TMEM201: variants seen among roughly 807,000 people sequenced by gnomAD.
The protein encoded by TMEM201 is transmembrane protein 201, also known as RP13-15M17.2.
Under a neutral mutation model 63.4 loss-of-function variants are expected in TMEM201, and 26 were observed. That is an observed-to-expected ratio of 0.41 (90% CI 0.30 to 0.57). The LOEUF is 0.57. Ranked by LOEUF, TMEM201 falls within the 20% of genes least tolerant of loss-of-function variation. The probability of loss-of-function intolerance (pLI) is 0.29; values close to 1 mark genes in which losing one functional copy is unlikely to be tolerated. For missense variants in TMEM201, 794 were observed against 917.7 expected, an observed-to-expected ratio of 0.87 and a Z score of 1.74; for synonymous variants, 417 against 421.6, an observed-to-expected ratio of 0.99 and a Z score of 0.14.
chr1:9,613,264 A>G lies in TMEM201; in HGVS notation c.*181A>G. Reference sequence around the variant, plus strand: ...CCTCACCTAACGGACTGCAGGGCTGAGCATGTGTCTGAGGTCACACTCTCT... The same window carrying G: ...CCTCACCTAACGGACTGCAGGGCTGGGCATGTGTCTGAGGTCACACTCTCT... On this transcript the variant is annotated 3_prime_UTR_variant, in exon 11 of 11. Coordinates refer to ENST00000340381, the MANE Select transcript of TMEM201 (RefSeq NM_001130924.3). 1 of 612,310 alleles carries G rather than the reference A, an allele frequency of 1.6e-6. No homozygotes were observed. The highest frequency in any genetic ancestry group is 2.9e-6 in the Non-Finnish European group (1 of 345,292). 37.9% of individuals were successfully genotyped at this position (612,310 alleles called of 1,614,324 possible).
At position 9,611,320 on chromosome 1, in the gene TMEM201, C is replaced by G. The variant is rs986700943; in HGVS notation, c.1766-433C>G. On this transcript the variant is annotated intron_variant, in intron 9 of 10. Transcript: ENST00000340381. ...TCAAGAGATTGTCCTGCTTCAGCCT[C>G]CCGAGTAGCTGGGACTACAGGTGCG... Among the ~76,000 whole-genome samples, 4 of 152,010 alleles carry G rather than the reference C, an allele frequency of 2.6e-5. No homozygotes were observed. In the South Asian group the frequency reaches 8.3e-4, roughly 32 times the overall value.
In TMEM201 at chr1:9,607,897, C is replaced by T. The variant is rs1298457446; in HGVS notation, c.1393+108C>T. 2 of 1,069,016 alleles carry T rather than the reference C, an allele frequency of 1.9e-6. No homozygotes were observed. Among genetic ancestry groups the T allele is most frequent in the Non-Finnish European group, 2.7e-6 (2 of 750,880 alleles). 66.2% of individuals were successfully genotyped at this position (1,069,016 alleles called of 1,614,324 possible). On this transcript the variant is annotated intron_variant, in intron 7 of 10. Transcript: ENST00000340381. This position sits in a 1 kb window ranked among gnomAD's most constrained non-coding sequence, Gnocchi z 5.4. The stretch of plus-strand genomic sequence containing the variant: ...GGGCCGGGAGTGGTTAGTGTTCCTG[C>T]TGCAGAGACAGGCAGCACAGAGCTT...
intron 5 of TMEM201, among the ~76,000 whole-genome samples, chr1:9,601,763 GC>G (rs1216496618): frequency 6.6e-6 from 1 of 152,122 alleles, no homozygotes; most frequent in Non-Finnish European, 1.5e-5. Context: ...TCACGTGGGG[GC>G]CTCTGGGGTT....
At chr1:9,602,861 G>A in intron 6 of TMEM201, 1 of 985,804 alleles carries the variant, frequency 1.0e-6, no homozygotes, top group African/African-American at 1.7e-5. Context: ...CCCTGCAGGA[G>A]GTGGTGGAGC....
intron 1 of TMEM201, among the ~76,000 whole-genome samples, chr1:9,590,781 C>G (rs1643906802): frequency 6.6e-6 from 1 of 152,186 alleles, no homozygotes; most frequent in African/African-American, 2.4e-5. Context: ...TGGGTTTCAC[C>G]TGGAGGTCAT....
At position 9,599,053 on chromosome 1, in the gene TMEM201, G is replaced by A. The variant is rs11810205; in HGVS notation, c.606+428G>A. On this transcript the variant is annotated intron_variant, in intron 4 of 10. Transcript: ENST00000340381. ...CCTCCCAGGTTCAAGCGATTCTCCC[G>A]TCTCAGCCTCCCGAGTAGCTGGGAT... Among the ~76,000 whole-genome samples, 1,213 of 148,180 alleles carry A rather than the reference G, an allele frequency of 8.2e-3. 23 individuals carry two copies. Among genetic ancestry groups the A allele is most frequent in the African/African-American group, 0.028 (1,136 of 39,960 alleles).
In TMEM201 at chr1:9,604,651, C is replaced by A; in HGVS notation, c.1160+2379C>A. 1.0e-6 allele frequency: 1 copy of A among 985,684 alleles called. No individual in the cohort carries two copies. The highest frequency in any genetic ancestry group is 1.2e-6 in the Non-Finnish European group (1 of 829,938). The allele number at this position is 985,684 out of a possible 1,614,324, so 61.1% of individuals were successfully genotyped here. A position where few individuals can be genotyped will look rare whatever the true frequency, so the allele number is the denominator to read the frequency against. On this transcript the variant is annotated intron_variant, in intron 6 of 10. Coordinates refer to ENST00000340381, the MANE Select transcript of TMEM201 (RefSeq NM_001130924.3). The surrounding 1 kb of genome is among the most constrained non-coding windows in gnomAD (Gnocchi z 4.1). ...CCCTGAGACATAAGCGAGGTAGATT[C>A]AGCCATCCTCACCCTCAGACTTGAG...
chr1:9,613,126 C>T lies in TMEM201; in HGVS notation c.*43C>T. The T allele has an allele frequency of 6.5e-7, 1 of 1,536,558 alleles. No homozygotes were observed. The highest frequency in any genetic ancestry group is 2.4e-5 in the East Asian group (1 of 40,884). On this transcript the variant is annotated 3_prime_UTR_variant, in exon 11 of 11. Transcript: ENST00000340381. ...TCGGAGGGGAGCAACCCGGTGCCTG[C>T]TGCTTCACCACTGCCGGCCTCAGGA...
At chr1:9,598,698 C>G (rs1020993899) in intron 4 of TMEM201, 73 bp downstream of exon 4, 2 of 1,459,110 alleles carry the variant, frequency 1.4e-6, no homozygotes. Context: ...GGAGGCTGGG[C>G]ACTAGTGACC....
rs1414067489 is a variant in TMEM201, at chr1:9,602,542, T to C, written c.1160+270T>C. On this transcript the variant is annotated intron_variant, in intron 6 of 10. Coordinates refer to ENST00000340381, the MANE Select transcript of TMEM201 (RefSeq NM_001130924.3). Reference sequence around the variant, plus strand: ...TGCCACCTCTCTGGCCAATGGCCCTTTCACTGGCCTGGTGACTGGAATGTG... The same window carrying C: ...TGCCACCTCTCTGGCCAATGGCCCTCTCACTGGCCTGGTGACTGGAATGTG... The C allele has an allele frequency of 4.4e-6, 6 of 1,367,612 alleles. No individual in the cohort carries two copies. The African/African-American group carries it at 7.3e-5, about 17-fold the overall frequency. 84.7% of individuals were successfully genotyped at this position (1,367,612 alleles called of 1,614,324 possible). A position where few individuals can be genotyped will look rare whatever the true frequency, so the allele number is the denominator to read the frequency against.
At chr1:9,596,049 G>A (rs371414068) in intron 2 of TMEM201, 39 bp downstream of exon 2, 2 of 1,602,096 alleles carry the variant, frequency 1.2e-6, no homozygotes, top group Admixed American at 1.7e-5. Context: ...GGCACGCGGG[G>A]GTGGGGATCT....
chr1:9,588,970 G>T lies in TMEM201; in HGVS notation c.40G>T (p.Ala14Ser). Reference sequence around the variant, plus strand: ...CGCGCTGCTGGCCCGCTGCCCCACGGCCGGCCTGGCCGGCGGCCTGGGGGT... The same window carrying T: ...CGCGCTGCTGGCCCGCTGCCCCACGTCCGGCCTGGCCGGCGGCCTGGGGGT... ...VSALLARCPT[A>S]GLAGGLGVTA... Residue 14 changes from alanine to serine, a missense_variant, in exon 1 of 11, where the codon GCC becomes TCC. Ala to Ser is a moderately conservative substitution (Grantham distance 99). Transcript: ENST00000340381. 1 of 1,246,500 alleles carries T rather than the reference G, an allele frequency of 8.0e-7. No individual in the cohort carries two copies. The allele number at this position is 1,246,500 out of a possible 1,614,324, so 77.2% of individuals were successfully genotyped here.
At position 9,595,973 on chromosome 1, in the gene TMEM201, A is replaced by G; in HGVS notation, c.197A>G (p.Asp66Gly). ...CCCTATGGGAACCGCAACTGCTGGG[A>G]CTGTCCCCACTGCGAGCAGTACAAC... ...LVPYGNRNCW[D>G]CPHCEQYNGF... Residue 66 changes from aspartate to glycine, a missense_variant, in exon 2 of 11, where the codon GAC becomes GGC. By Grantham distance (94) the Asp-to-Gly change is moderately conservative. Transcript: ENST00000340381. 6.2e-7 allele frequency: 1 copy of G among 1,613,458 alleles called. No homozygotes were observed. The highest frequency in any genetic ancestry group is 8.5e-7 in the Non-Finnish European group (1 of 1,180,012).
rs1204930441 is a variant in TMEM201, at chr1:9,607,342, A to G, written c.1161-215A>G. On this transcript the variant is annotated intron_variant, in intron 6 of 10. Transcript: ENST00000340381. The surrounding 1 kb of genome is among the most constrained non-coding windows in gnomAD (Gnocchi z 5.4). ...AGGGGGTAGGAGGGGGCATGTGGGG[A>G]GGGCCGGGTCTTGCTGGCACCTCCC... Among the ~76,000 whole-genome samples the G allele has an allele frequency of 6.7e-6, 1 of 150,134 alleles. No homozygotes were observed. The highest frequency in any genetic ancestry group is 1.5e-5 in the Non-Finnish European group (1 of 67,534).
rs553702230 is a variant in TMEM201 at position 9,596,525 on chromosome 1, T to C, written c.235-334T>C. ...AGCTCCTCCACGGGTCATAGTGTGC[T>C]GTCCCCTGGACTAGACCAGGGTTTG... is the stretch of plus-strand genomic sequence containing the variant. On this transcript the variant is annotated intron_variant, in intron 2 of 10. Coordinates refer to ENST00000340381, the MANE Select transcript of TMEM201 (RefSeq NM_001130924.3). Among the ~76,000 whole-genome samples, 5 of 152,338 alleles carry C rather than the reference T, an allele frequency of 3.3e-5. No homozygotes were observed. The East Asian group carries it at 9.6e-4, about 29-fold the overall frequency.
At position 9,607,794 on chromosome 1, in the gene TMEM201, G is replaced by A. The variant is rs879168525; in HGVS notation, c.1393+5G>A. ...TACCCTCTCTGACTCGAGCAGGTAA[G>A]GGGTGCCCAGGCATTGGCAGACAGT... is the stretch of plus-strand genomic sequence containing the variant. On this transcript the variant is annotated splice_donor_5th_base_variant and intron_variant, in intron 7 of 10. Transcript: ENST00000340381. The surrounding 1 kb of genome is among the most constrained non-coding windows in gnomAD (Gnocchi z 5.4). 12 of 1,550,980 alleles carry A rather than the reference G, an allele frequency of 7.7e-6. No individual in the cohort carries two copies. In the South Asian group the frequency reaches 1.1e-4, roughly 14 times the overall value.
rs1204726173 is a variant in TMEM201 at position 9,604,608 on chromosome 1, C to T, written c.1160+2336C>T. The T allele has an allele frequency of 1.0e-6, 1 of 985,366 alleles. No individual in the cohort carries two copies. Among genetic ancestry groups the T allele is most frequent in the Non-Finnish European group, 1.2e-6 (1 of 829,912 alleles). 61.0% of individuals were successfully genotyped at this position (985,366 alleles called of 1,614,324 possible). The stretch of plus-strand genomic sequence containing the variant: ...CTTCTAGGGTCTGGCTGGGGTCATC[C>T]TAGGTATGGGTGACCGTCCCTGAGA... On this transcript the variant is annotated intron_variant, in intron 6 of 10. Coordinates refer to ENST00000340381, the MANE Select transcript of TMEM201 (RefSeq NM_001130924.3). The surrounding 1 kb of genome is among the most constrained non-coding windows in gnomAD (Gnocchi z 4.1).
chr1:9,600,523 A>C (rs1282804953), intron 4 of TMEM201, among the ~76,000 whole-genome samples: 3 of 152,206 alleles, frequency 2.0e-5, no homozygotes, highest in Non-Finnish European at 4.4e-5. Flanking sequence ...TGGTGATACC[A>C]GTCACTCTCC....
At chr1:9,592,188 C>A (rs922960565) in intron 1 of TMEM201, among the ~76,000 whole-genome samples, 4 of 152,092 alleles carry the variant, frequency 2.6e-5, no homozygotes, top group South Asian at 2.1e-4. Context: ...ATGCTTCTGT[C>A]GCTGAAGCCC....
Sources: allele counts gnomAD v4.1 joint callset (sites outside exome capture counted in the v4.1 genomes callset), GRCh38; gene constraint gnomAD v4.1.1; non-coding constraint Gnocchi (gnomAD v3.1); transcripts MANE v1.5; gene names NCBI Gene and HGNC (gene_info 2026-07-23, HGNC 2026-07-21).